AZIN1: variants seen among roughly 807,000 people sequenced by gnomAD.
AZIN1 encodes antizyme inhibitor 1, also known as ornithine decarboxylase antizyme inhibitor.
In AZIN1, 12 loss-of-function variants were observed where a neutral mutation model predicts 47.4. The observed-to-expected ratio is 0.25, with a 90% confidence interval of 0.16 to 0.41. The LOEUF is 0.41. Ranked by LOEUF, AZIN1 falls within the 10% of genes least tolerant of loss-of-function variation. The pLI is 1.00. For missense variants in AZIN1, 410 were observed against 532.4 expected, an observed-to-expected ratio of 0.77 and a Z score of 2.26; for synonymous variants, 155 against 176.3, an observed-to-expected ratio of 0.88 and a Z score of 0.96.
chr8:102,858,816 C>A (rs1333761630), intron 1 of AZIN1, among the ~76,000 whole-genome samples: 1 of 152,210 alleles, frequency 6.6e-6, no homozygotes, highest in Non-Finnish European at 1.5e-5. Flanking sequence ...ATTCTATTAT[C>A]ACCAGGAACA....
At chr8:102,856,192 G>A (rs183662371) in intron 2 of AZIN1, 23 of 151,224 alleles carry the variant, frequency 1.5e-4, no homozygotes, top group Admixed American at 1.5e-3. Flanking sequence ...TATGAAAAAG[G>A]GATTGTGGAC....
chr8:102,849,366 G>C (rs1380392588), intron 2 of AZIN1, among the ~76,000 whole-genome samples: 1 of 152,070 alleles, frequency 6.6e-6, no homozygotes, highest in Non-Finnish European at 1.5e-5. Context: ...CACTAAGAAT[G>C]CAGACTCAAA....
intron 9 of AZIN1, among the ~76,000 whole-genome samples, chr8:102,832,790 G>A (rs905440794): frequency 1.6e-4 from 24 of 151,984 alleles, no homozygotes; most frequent in African/African-American, 4.6e-4. Flanking sequence ...ACAGGTGTGC[G>A]CCACCATGAC....
intron 2 of AZIN1, among the ~76,000 whole-genome samples, chr8:102,844,023 T>A (rs1322794041): frequency 1.3e-5 from 2 of 152,236 alleles, no homozygotes; most frequent in Non-Finnish European, 2.9e-5. Context: ...CTTACAGAGT[T>A]GCAGACCCAA....
At chr8:102,829,543 T>C (rs1030854948) in intron 10 of AZIN1, 57 bp from the exon 11 acceptor site, 1 of 1,434,812 alleles carries the variant, frequency 7.0e-7, no homozygotes, top group African/African-American at 1.4e-5. Context: ...GTATTGAATT[T>C]GTGAGTAAAT....
chr8:102,835,435 C>G (rs893386409), intron 6 of AZIN1: 1 of 152,182 alleles, frequency 6.6e-6, no homozygotes, highest in Non-Finnish European at 1.5e-5. Flanking sequence ...ACAGCATGAT[C>G]CCATTCTTTG....
At chr8:102,842,917 G>GC (rs1812306064) in intron 3 of AZIN1, among the ~76,000 whole-genome samples, 1 of 147,152 alleles carries the variant, frequency 6.8e-6, no homozygotes, top group African/African-American at 2.6e-5. Context: ...AAACAAGCAA[G>GC]CAAAAAAAAA....
intron 1 of AZIN1, among the ~76,000 whole-genome samples, chr8:102,860,266 T>TTA (rs1378827114): frequency 6.6e-6 from 1 of 152,170 alleles, no homozygotes; most frequent in Non-Finnish European, 1.5e-5. Flanking sequence ...GTAATTTATT[T>TTA]TATTTTATTT....
intron 9 of AZIN1, among the ~76,000 whole-genome samples, chr8:102,831,122 A>C (rs1352895905): frequency 2.6e-5 from 4 of 152,222 alleles, no homozygotes; most frequent in Non-Finnish European, 5.9e-5. Context: ...TTAAAAGGTT[A>C]AAATGAGCCT....
intron 6 of AZIN1, 186 bp from the exon 7 acceptor site, chr8:102,834,933 A>T (rs771366422): frequency 2.8e-5 from 15 of 528,898 alleles, no homozygotes; most frequent in Non-Finnish European, 5.0e-5. Flanking sequence ...CTTTATAGAA[A>T]AGGCAATGCC....
intron 4 of AZIN1, 27 bp from the exon 5 acceptor site, chr8:102,838,943 T>C (rs1438549433): frequency 6.3e-7 from 1 of 1,590,388 alleles, no homozygotes; most frequent in Admixed American, 1.7e-5. Flanking sequence ...AAAGTGAGAA[T>C]ACATAATGTC....
chr8:102,829,426 G>A lies in AZIN1; in HGVS notation c.1081C>T (p.Leu361Phe), dbSNP rs769529259. The change falls in exon 11 of 12, where the codon CTT (leucine) becomes TTT (phenylalanine). Residue 361 changes from leucine (L) to phenylalanine (F), a missense_variant. By Grantham distance (22) the Leu-to-Phe change is conservative. Coordinates refer to ENST00000337198, the MANE Select transcript of AZIN1 (RefSeq NM_148174.4). Reference protein sequence around the residue: ...SSLWGPSCDELDQIVESCLLP... With the variant: ...SSLWGPSCDEFDQIVESCLLP... ...AGACAGCTTTCCACAATTTGATCAA[G>A]CTCATCACAGGATGGACCCCAAAGG... 1.2e-6 allele frequency: 2 copies of A among 1,613,950 alleles called. No homozygotes were observed. Among genetic ancestry groups the A allele is most frequent in the African/African-American group, 2.7e-5 (2 of 74,934 alleles).
intron 9 of AZIN1, among the ~76,000 whole-genome samples, chr8:102,832,567 A>G (rs1465575698): frequency 2.0e-5 from 3 of 152,206 alleles, no homozygotes; most frequent in Non-Finnish European, 2.9e-5. Flanking sequence ...ACATTTATCT[A>G]AAACACACGT....
chr8:102,854,322 C>G (rs1218122334), intron 2 of AZIN1: 1 of 151,928 alleles, frequency 6.6e-6, no homozygotes, highest in Non-Finnish European at 1.5e-5. Flanking sequence ...TCTTTCCAGC[C>G]AGGCGCGGTG....
chr8:102,853,658 T>C (rs1048209225), intron 2 of AZIN1, among the ~76,000 whole-genome samples: 3 of 152,210 alleles, frequency 2.0e-5, no homozygotes, highest in African/African-American at 7.2e-5. Flanking sequence ...TACAGAATAT[T>C]TTTCTGCTAC....
intron 9 of AZIN1, among the ~76,000 whole-genome samples, chr8:102,832,743 C>T (rs558722510): frequency 2.6e-5 from 4 of 151,938 alleles, no homozygotes; most frequent in Admixed American, 6.6e-5. Flanking sequence ...CGGATTCAAG[C>T]GATTTTTGTG....
chr8:102,846,951 CAT>C (rs1284073891), intron 2 of AZIN1, among the ~76,000 whole-genome samples: 1 of 152,002 alleles, frequency 6.6e-6, no homozygotes, highest in Non-Finnish European at 1.5e-5. Flanking sequence ...AAACAGCTGA[CAT>C]ATAGTGTCAT....
chr8:102,831,246 T>C (rs1208001653), intron 9 of AZIN1, among the ~76,000 whole-genome samples: 2 of 151,416 alleles, frequency 1.3e-5, no homozygotes, highest in Non-Finnish European at 2.9e-5. Flanking sequence ...GATCTATGAG[T>C]CTAAACTCAT....
intron 2 of AZIN1, among the ~76,000 whole-genome samples, chr8:102,854,713 G>T (rs1813174234): frequency 6.7e-6 from 1 of 150,168 alleles, no homozygotes; most frequent in Non-Finnish European, 1.5e-5. Context: ...GAGACAAAAT[G>T]TGAATATTTA....
Sources: gnomAD v4.1 joint callset for allele counts (sites outside exome capture counted in the v4.1 genomes callset) on GRCh38, gnomAD v4.1.1 for gene constraint, MANE v1.5 for transcripts, NCBI Gene and HGNC (gene_info 2026-07-23, HGNC 2026-07-21) for gene names.